Variants in UNC5A observed in about 807,000 individuals in gnomAD.
The protein encoded by UNC5A is unc-5 netrin receptor A.
A neutral mutation model predicts 87.4 loss-of-function variants in UNC5A; 20 were observed. The observed-to-expected ratio is 0.23, with a 90% CI of 0.16 to 0.33. The LOEUF (loss-of-function observed/expected upper bound fraction) is 0.33, where lower values mean the gene tolerates loss of function less well. UNC5A is among the 10% of genes least tolerant of loss of function. UNC5A has a pLI of 1.00. For synonymous variants in UNC5A, 438 were observed against 482.3 expected (o/e 0.91, Z 1.20); for missense variants, 844 against 1,133.4 (o/e 0.74, Z 3.67).
rs959075426 is a variant in UNC5A, at chr5:176,869,402, C to A, written c.721+438C>A. On this transcript the variant is annotated intron_variant, in intron 5 of 14. Coordinates refer to ENST00000329542, the MANE Select transcript of UNC5A (RefSeq NM_133369.3). This position sits in a 1 kb window ranked among gnomAD's most constrained non-coding sequence, Gnocchi z 9.1. ...GGTTCAGCCTGGCTACCCCGAGTGC[C>A]CCCTGGGAGAAGGGAAGACTGTGGC... is the stretch of plus-strand genomic sequence containing the variant. Among the ~76,000 whole-genome samples, 9 of 152,214 alleles carry A rather than the reference C, an allele frequency of 5.9e-5. No homozygotes were observed. The Middle Eastern group carries it at 0.01, about 173-fold the overall frequency.
chr5:176,867,321 T>C (rs1028795004), intron 2 of UNC5A, among the ~76,000 whole-genome samples: 4 of 152,154 alleles, frequency 2.6e-5, no homozygotes, highest in African/African-American at 9.7e-5. Context: ...AGGCCAGATA[T>C]GGCAGAAGGT....
At chr5:176,829,814 AGTTCATTACCACGGGGCTG>A (rs1756955670) in intron 1 of UNC5A, among the ~76,000 whole-genome samples, 1 of 150,246 alleles carries the variant, frequency 6.7e-6, no homozygotes, top group South Asian at 2.1e-4. Context: ...GGGAAGTACA[AGTTCATTACCACGGGGCTG>A]GTTCATTACC....
chr5:176,828,765 G>A (rs936775686), intron 1 of UNC5A, among the ~76,000 whole-genome samples: 2 of 152,134 alleles, frequency 1.3e-5, no homozygotes, highest in African/African-American at 2.4e-5. Context: ...CTCACTGCTC[G>A]TTCATGGATG....
At chr5:176,826,703 C>G (rs886359286) in intron 1 of UNC5A, among the ~76,000 whole-genome samples, 45 of 141,742 alleles carry the variant, frequency 3.2e-4, no homozygotes, top group Admixed American at 2.8e-3. Flanking sequence ...TGCAGTGGCA[C>G]GATCTCGGCT....
chr5:176,879,327 G>T lies in UNC5A; in HGVS notation c.2202G>T (p.Glu734Asp). Residue 734 changes from glutamate to aspartate, a missense_variant, in exon 14 of 15, where the codon GAG becomes GAT. Coordinates refer to ENST00000329542, the MANE Select transcript of UNC5A (RefSeq NM_133369.3). Reference protein sequence around the residue: ...FNITKDTRFAELLALESEAGV... With the variant: ...FNITKDTRFADLLALESEAGV... ...ACCTCCAGGACACAAGGTTTGCTGA[G>T]CTGCTGGCTCTGGAGAGTGAAGCGG... is the stretch of plus-strand genomic sequence containing the variant. 1 of 1,606,418 alleles carries T rather than the reference G, an allele frequency of 6.2e-7. No homozygotes were observed. The highest frequency in any genetic ancestry group is 1.3e-5 in the African/African-American group (1 of 74,722).
rs1756852659 is a variant in UNC5A, at chr5:176,826,352, A to G, written c.70+15532A>G. On this transcript the variant is annotated intron_variant, in intron 1 of 14. Transcript: ENST00000329542. Reference sequence around the variant, plus strand: ...TGGGACAGGGGCAAGGGTAGAAGCCATGGGAGGGCGCAGGGAGCAGGCCAG... The same window carrying G: ...TGGGACAGGGGCAAGGGTAGAAGCCGTGGGAGGGCGCAGGGAGCAGGCCAG... 2.6e-5 allele frequency among the ~76,000 whole-genome samples: 4 copies of G among 152,216 alleles called. No homozygotes were observed. The South Asian group carries it at 8.3e-4, about 32-fold the overall frequency.
rs113171620 is a variant in UNC5A, at chr5:176,868,305, G to A, written c.436+32G>A. The A allele has an allele frequency of 3.6e-4, 580 of 1,610,244 alleles. 3 individuals are homozygous for A. In the African/African-American group the frequency reaches 6.8e-3, roughly 19 times the overall value. ...CTAGGGCTGGGCCCTGGGGGAGGGC[G>A]CACGGCGGGAGGGTGTCACCAGGAG... On this transcript the variant is annotated intron_variant, in intron 3 of 14. Coordinates refer to ENST00000329542, the MANE Select transcript of UNC5A (RefSeq NM_133369.3).
At chr5:176,840,483 T>C (rs555456660) in intron 1 of UNC5A, among the ~76,000 whole-genome samples, 3 of 152,358 alleles carry the variant, frequency 2.0e-5, no homozygotes, top group Non-Finnish European at 2.9e-5. Flanking sequence ...TAATAACACG[T>C]TGGGCTCTGC....
chr5:176,831,239 T>C (rs1484463158), intron 1 of UNC5A, among the ~76,000 whole-genome samples: 1 of 152,170 alleles, frequency 6.6e-6, no homozygotes, highest in Non-Finnish European at 1.5e-5. Flanking sequence ...TTGTAAAGTG[T>C]GATAAAATCT....
rs1322632937 is a variant in UNC5A, at chr5:176,878,520, C to G, written c.2065C>G (p.His689Asp). Residue 689 changes from histidine to aspartate, a missense_variant, in exon 13 of 15, where the codon CAC becomes GAC. His to Asp is a moderately conservative substitution (Grantham distance 81). This residue lies in a region of UNC5A where 177 missense variants were observed against 279.4 expected (regional missense o/e 0.63). Transcript: ENST00000329542. ...HIWNGTQRYLHCTFTLERVSP... is the reference protein window; with the variant it reads ...HIWNGTQRYLDCTFTLERVSP... ...CTGGAATGGCACGCAGCGGTACTTGCACTGCACCTTCACCCTGGAGCGTGT... is the reference window on the plus strand; with the variant it reads ...CTGGAATGGCACGCAGCGGTACTTGGACTGCACCTTCACCCTGGAGCGTGT... 6.2e-7 allele frequency: 1 copy of G among 1,613,262 alleles called. No homozygotes were observed. Among genetic ancestry groups the G allele is most frequent in the Admixed American group, 1.7e-5 (1 of 60,028 alleles).
intron 1 of UNC5A, among the ~76,000 whole-genome samples, chr5:176,850,209 G>A (rs1757510266): frequency 6.6e-6 from 1 of 152,210 alleles, no homozygotes; most frequent in Non-Finnish European, 1.5e-5. Flanking sequence ...AGGTTTAGGA[G>A]GAAGTCGGGG....
At chr5:176,812,218 C>T (rs564680454) in intron 1 of UNC5A, among the ~76,000 whole-genome samples, 19 of 152,212 alleles carry the variant, frequency 1.2e-4, no homozygotes, top group African/African-American at 4.6e-4. Context: ...TGTGCAGCTC[C>T]GCAGATGAGC....
At chr5:176,813,811 G>A (rs951754266) in intron 1 of UNC5A, among the ~76,000 whole-genome samples, 2 of 152,230 alleles carry the variant, frequency 1.3e-5, no homozygotes, top group Non-Finnish European at 2.9e-5. Flanking sequence ...GCAGGAGCCT[G>A]CCCTGAGCTT....
intron 1 of UNC5A, among the ~76,000 whole-genome samples, chr5:176,820,319 C>T (rs1050530107): frequency 6.6e-6 from 1 of 152,080 alleles, no homozygotes; most frequent in Non-Finnish European, 1.5e-5. Flanking sequence ...ATGGCATGAA[C>T]CTGGGAGGTG....
At chr5:176,833,592 G>T (rs889304727) in intron 1 of UNC5A, among the ~76,000 whole-genome samples, 1 of 152,156 alleles carries the variant, frequency 6.6e-6, no homozygotes, top group Non-Finnish European at 1.5e-5. Flanking sequence ...GCCTCCCTAG[G>T]CACCTGCAGG....
At chr5:176,860,462 C>A (rs1034863635) in intron 1 of UNC5A, among the ~76,000 whole-genome samples, 1 of 152,226 alleles carries the variant, frequency 6.6e-6, no homozygotes, top group African/African-American at 2.4e-5. Context: ...GAGCCCAACT[C>A]AGCACTGCTC....
rs1018115648 is a variant in UNC5A at position 176,875,208 on chromosome 5, G to T, written c.1378+642G>T. On this transcript the variant is annotated intron_variant, in intron 8 of 14. Coordinates refer to ENST00000329542, the MANE Select transcript of UNC5A (RefSeq NM_133369.3). This position sits in a 1 kb window ranked among gnomAD's most constrained non-coding sequence, Gnocchi z 5.2. Reference sequence around the variant, plus strand: ...CCTCGCCCACTCCATGGCTTTAATCGCCGTGTCTGTGCAGATAACTCCCAC... The same window carrying T: ...CCTCGCCCACTCCATGGCTTTAATCTCCGTGTCTGTGCAGATAACTCCCAC... 6.6e-6 allele frequency among the ~76,000 whole-genome samples: 1 copy of T among 151,978 alleles called. No homozygotes were observed. The highest frequency in any genetic ancestry group is 2.4e-5 in the African/African-American group (1 of 41,344).
intron 1 of UNC5A, among the ~76,000 whole-genome samples, chr5:176,852,763 C>T (rs898197629): frequency 1.6e-4 from 24 of 152,170 alleles, no homozygotes; most frequent in African/African-American, 5.8e-4. Flanking sequence ...AGGTACTTAG[C>T]GATGGCAACA....
At chr5:176,826,442 A>C (rs1316786133) in intron 1 of UNC5A, among the ~76,000 whole-genome samples, 2 of 152,202 alleles carry the variant, frequency 1.3e-5, no homozygotes, top group African/African-American at 4.8e-5. Flanking sequence ...TGGTAAAATG[A>C]GCTTAGTCCA....
Sources: gnomAD v4.1 joint callset for allele counts (sites outside exome capture counted in the v4.1 genomes callset) on GRCh38, gnomAD v4.1.1 for gene constraint, gnomAD v4.1.1 regional missense constraint, Gnocchi (gnomAD v3.1) non-coding constraint, MANE v1.5 for transcripts, NCBI Gene and HGNC (gene_info 2026-07-23, HGNC 2026-07-21) for gene names.